The following ATP6V1C2 variants were observed in gnomAD, a reference collection of about 807,000 sequenced individuals.
ATP6V1C2 encodes the protein ATPase H+ transporting V1 subunit C2.
Under a neutral mutation model 56.8 loss-of-function variants are expected in ATP6V1C2, and 45 were observed. The ratio of observed to expected loss-of-function variants is 0.79; its 90% CI spans 0.62 to 1.02. The LOEUF (loss-of-function observed/expected upper bound fraction) is 1.02, where lower values mean the gene tolerates loss of function less well. Ranked by LOEUF, ATP6V1C2 falls within the 50% of genes least tolerant of loss-of-function variation. The pLI is 0.00. For synonymous variants in ATP6V1C2, 220 were observed against 201.3 expected, an observed-to-expected ratio of 1.09 and a Z score of -0.79; for missense variants, 463 against 519.7, an observed-to-expected ratio of 0.89 and a Z score of 1.06.
At chr2:10,754,951 T>C (rs1280020384) in intron 4 of ATP6V1C2, among the ~76,000 whole-genome samples, 2 of 152,112 alleles carry the variant, frequency 1.3e-5, no homozygotes, top group Non-Finnish European at 1.5e-5. Flanking sequence ...CACTGCAGCC[T>C]TAACCTCTCA....
At chr2:10,721,949 G>A (rs1162614697) in intron 1 of ATP6V1C2, among the ~76,000 whole-genome samples, 1 of 152,242 alleles carries the variant, frequency 6.6e-6, no homozygotes, top group Non-Finnish European at 1.5e-5. Flanking sequence ...AAGGAGCTGC[G>A]TTGGGTCTGC....
intron 3 of ATP6V1C2, among the ~76,000 whole-genome samples, chr2:10,739,240 G>T (rs1307919071): frequency 6.6e-6 from 1 of 152,076 alleles, no homozygotes; most frequent in Non-Finnish European, 1.5e-5. Context: ...CCGAGATCTC[G>T]CCATGGCACT....
chr2:10,759,737 G>T (rs1452485426), intron 4 of ATP6V1C2, among the ~76,000 whole-genome samples: 1 of 152,134 alleles, frequency 6.6e-6, no homozygotes, highest in African/African-American at 2.4e-5. Flanking sequence ...CCAGCACTTT[G>T]GGTGTCTCAG....
chr2:10,773,882 T>C (rs115754032), intron 8 of ATP6V1C2, among the ~76,000 whole-genome samples: 2,070 of 152,030 alleles, frequency 0.014, 34 homozygotes, highest in African/African-American at 0.041. Context: ...GGGATCTAAA[T>C]TGAAGGGTGC....
At chr2:10,737,736 C>T (rs187467778) in intron 3 of ATP6V1C2, among the ~76,000 whole-genome samples, 75 of 152,322 alleles carry the variant, frequency 4.9e-4, no homozygotes, top group African/African-American at 1.7e-3. Flanking sequence ...GTCGCCCAGG[C>T]TGGAGTGAAG....
intron 4 of ATP6V1C2, among the ~76,000 whole-genome samples, chr2:10,755,192 A>G (rs1381483801): frequency 3.3e-5 from 5 of 151,974 alleles, no homozygotes; most frequent in Admixed American, 6.6e-5. Flanking sequence ...ATATGCCGCC[A>G]TGTCCAGCTA....
At chr2:10,769,135 C>T (rs1664421244) in intron 6 of ATP6V1C2, among the ~76,000 whole-genome samples, 1 of 152,234 alleles carries the variant, frequency 6.6e-6, no homozygotes, top group South Asian at 2.1e-4. Flanking sequence ...GCACGGAGGG[C>T]CCCCAGGGGT....
At chr2:10,773,792 A>T (rs1167484611) in intron 8 of ATP6V1C2, among the ~76,000 whole-genome samples, 1 of 152,172 alleles carries the variant, frequency 6.6e-6, no homozygotes, top group Admixed American at 6.5e-5. Context: ...CTCCCCACAC[A>T]CAGAACTCCC....
chr2:10,765,133 C>T (rs1050926156), intron 5 of ATP6V1C2, among the ~76,000 whole-genome samples: 2 of 152,202 alleles, frequency 1.3e-5, no homozygotes, highest in Non-Finnish European at 2.9e-5. Flanking sequence ...AGACACTGCA[C>T]CAGCTCGTTG....
chr2:10,738,241 T>G (rs1322222084), intron 3 of ATP6V1C2, among the ~76,000 whole-genome samples: 1 of 152,198 alleles, frequency 6.6e-6, no homozygotes, highest in East Asian at 1.9e-4. Flanking sequence ...TGCTCTGTGG[T>G]AGGCCCCTCA....
At chr2:10,732,319 C>T (rs1055656888) in intron 3 of ATP6V1C2, among the ~76,000 whole-genome samples, 3 of 151,996 alleles carry the variant, frequency 2.0e-5, no homozygotes, top group East Asian at 1.9e-4. Flanking sequence ...AGCGCAGTGG[C>T]GTGATCTTGG....
At chr2:10,721,289 CCGCAGCGGGAGGGCGGGGTGGT>C (rs1661341863), upstream of ATP6V1C2, among the ~76,000 whole-genome samples, 1 of 152,084 alleles carries the variant, frequency 6.6e-6, no homozygotes, top group African/African-American at 2.4e-5. Context: ...GCTGCGGCGG[CCGCAGCGGGAGGGCGGGGTGGT>C]CCCGAGCTCA....
At chr2:10,761,067 G>A (rs568336824) in intron 4 of ATP6V1C2, among the ~76,000 whole-genome samples, 2 of 152,350 alleles carry the variant, frequency 1.3e-5, no homozygotes, top group African/African-American at 4.8e-5. Context: ...AGCACAAGGA[G>A]TGGAGTTCAG....
chr2:10,776,869 T>G (rs1665025294), intron 10 of ATP6V1C2, among the ~76,000 whole-genome samples: 1 of 151,750 alleles, frequency 6.6e-6, no homozygotes, highest in South Asian at 2.1e-4. Flanking sequence ...CACACCACCC[T>G]GGGGGCCCTG....
At chr2:10,728,774 C>CAAA (rs370117201) in intron 3 of ATP6V1C2, among the ~76,000 whole-genome samples, 5 of 74,260 alleles carry the variant, frequency 6.7e-5, no homozygotes, top group African/African-American at 1.4e-4. Context: ...CACCCTGTCT[C>CAAA]AAAAAAAAAA....
At chr2:10,781,945 C>T (rs919690638) in intron 12 of ATP6V1C2, among the ~76,000 whole-genome samples, 4 of 152,228 alleles carry the variant, frequency 2.6e-5, no homozygotes, top group Admixed American at 6.5e-5. Flanking sequence ...TCCGAATGTT[C>T]AGTCCAACTA....
intron 3 of ATP6V1C2, among the ~76,000 whole-genome samples, chr2:10,733,311 C>G (rs541082104): frequency 6.4e-4 from 97 of 152,234 alleles, no homozygotes; most frequent in African/African-American, 2.3e-3. Flanking sequence ...AGAATGGCAT[C>G]AGTTCTTTGA....
At chr2:10,779,083 A>C (rs954001876) in intron 12 of ATP6V1C2, among the ~76,000 whole-genome samples, 13 of 149,484 alleles carry the variant, frequency 8.7e-5, no homozygotes, top group East Asian at 2.0e-4. Flanking sequence ...AACCACACCA[A>C]CAACAACAAA....
intron 3 of ATP6V1C2, among the ~76,000 whole-genome samples, chr2:10,749,537 T>A (rs1243200242): frequency 6.6e-6 from 1 of 152,158 alleles, no homozygotes. Context: ...TTAAAAAGAT[T>A]CATAATACCT....
Sources: allele counts gnomAD v4.1 joint callset (sites outside exome capture counted in the v4.1 genomes callset), GRCh38; gene constraint gnomAD v4.1.1; transcripts MANE v1.5; gene names NCBI Gene and HGNC (gene_info 2026-07-23, HGNC 2026-07-21).